Variants in HEATR5A observed in about 807,000 individuals in gnomAD.
HEATR5A encodes the protein HEAT repeat-containing protein 5A.
Under a neutral mutation model 218.8 loss-of-function variants are expected in HEATR5A, and 178 were observed. The observed-to-expected ratio is 0.81, with a 90% CI of 0.72 to 0.92. The LOEUF (loss-of-function observed/expected upper bound fraction) is 0.92, where lower values mean the gene tolerates loss of function less well. Ranked by LOEUF, HEATR5A falls within the 40% of genes least tolerant of loss-of-function variation. The pLI, the probability that HEATR5A is intolerant of heterozygous loss-of-function variation, is 0.00. For missense variants in HEATR5A, 2,420 were observed against 2,418.9 expected (o/e 1.00, Z -0.01); for synonymous variants, 864 against 871.6 (o/e 0.99, Z 0.15).
At chr14:31,403,934 T>C (rs773199647) in intron 1 of HEATR5A, among the ~76,000 whole-genome samples, 1 of 152,230 alleles carries the variant, frequency 6.6e-6, no homozygotes, top group Non-Finnish European at 1.5e-5. Flanking sequence ...TTTTAGGACA[T>C]GGATGCTTTA....
At chr14:31,380,084 T>A (rs1386271150) in intron 11 of HEATR5A, among the ~76,000 whole-genome samples, 1 of 152,234 alleles carries the variant, frequency 6.6e-6, no homozygotes, top group Admixed American at 6.5e-5. Flanking sequence ...CCTCAAACAA[T>A]TATAGAACTG....
intron 29 of HEATR5A, among the ~76,000 whole-genome samples, chr14:31,308,506 T>TAAAAA (rs34745602): frequency 3.3e-4 from 41 of 125,904 alleles, no homozygotes; most frequent in Admixed American, 1.3e-3. Flanking sequence ...AAACTCTGTC[T>TAAAAA]AAAAAAAAAA....
intron 31 of HEATR5A, 91 bp from the exon 32 acceptor site, chr14:31,305,268 A>G: frequency 7.3e-7 from 1 of 1,366,640 alleles, no homozygotes; most frequent in Non-Finnish European, 1.0e-6. Context: ...AAATACATGT[A>G]TTTTATTTTT....
At chr14:31,323,862 A>G in intron 23 of HEATR5A, 58 bp from the exon 24 acceptor site, 1 of 764,808 alleles carries the variant, frequency 1.3e-6, no homozygotes, top group South Asian at 2.5e-5. Context: ...ATATATATAT[A>G]TCAAAAGGAA....
chr14:31,383,624 T>G lies in HEATR5A; in HGVS notation c.1493A>C (p.His498Pro). ...LDRCLERLTG[H>P]KSSPEAVTGF... Reference sequence around the variant, plus strand: ...AGTCACTGCTTCAGGTGAAGACTTATGTCCAGTAAGCCGTTCAAGGCAACG... The same window carrying G: ...AGTCACTGCTTCAGGTGAAGACTTAGGTCCAGTAAGCCGTTCAAGGCAACG... Residue 498 changes from histidine (H) to proline (P), a missense_variant, in exon 10 of 36, where the codon CAT becomes CCT. Transcript: ENST00000543095. The G allele has an allele frequency of 6.2e-7, 1 of 1,614,016 alleles. No homozygotes were observed. Among genetic ancestry groups the G allele is most frequent in the Non-Finnish European group, 8.5e-7 (1 of 1,179,882 alleles).
chr14:31,398,443 C>T lies in HEATR5A; in HGVS notation c.447+230G>A, dbSNP rs372091942. On this transcript the variant is annotated intron_variant, in intron 4 of 35. Coordinates refer to ENST00000543095, the MANE Select transcript of HEATR5A (RefSeq NM_015473.4). ...TAAGTGGAATACGTTAGTTTTCGCC[C>T]GCTTGGATTTATATGAATACATGAA... is the stretch of plus-strand genomic sequence containing the variant. Among the ~76,000 whole-genome samples, 6 of 152,102 alleles carry T rather than the reference C, an allele frequency of 3.9e-5. No homozygotes were observed. In the East Asian group the frequency reaches 5.8e-4, roughly 15 times the overall value.
chr14:31,390,841 T>G (rs1285668930), intron 6 of HEATR5A, among the ~76,000 whole-genome samples: 1 of 150,460 alleles, frequency 6.6e-6, no homozygotes, highest in African/African-American at 2.5e-5. Flanking sequence ...TATTTTAAAA[T>G]ATACTCTTAT....
chr14:31,371,956 T>G (rs5025288), intron 12 of HEATR5A, 47 bp from the exon 13 acceptor site: 1 of 828,530 alleles, frequency 1.2e-6, no homozygotes, highest in Admixed American at 2.8e-5. Context: ...TAATCAACCA[T>G]GAAAGGCACA....
chr14:31,362,374 T>C (rs1337120620), intron 14 of HEATR5A, among the ~76,000 whole-genome samples: 1 of 151,684 alleles, frequency 6.6e-6, no homozygotes, highest in Non-Finnish European at 1.5e-5. Context: ...TGATTGCATT[T>C]CCAAACTCCA....
chr14:31,391,272 AACT>A (rs2030442835), intron 6 of HEATR5A, among the ~76,000 whole-genome samples: 1 of 152,066 alleles, frequency 6.6e-6, no homozygotes, highest in African/African-American at 2.4e-5. Flanking sequence ...AAGCAGCTGG[AACT>A]ACAGGCACAT....
At chr14:31,302,649 T>C (rs1899422359) in intron 32 of HEATR5A, 130 bp from the exon 33 acceptor site, 3 of 653,174 alleles carry the variant, frequency 4.6e-6, no homozygotes, top group Non-Finnish European at 7.8e-6. Flanking sequence ...TAAAGAATTA[T>C]AACTGTTAAG....
rs771816564 is a variant in HEATR5A at position 31,293,377 on chromosome 14, C to T, written c.6069G>A (p.Lys2023=). 6.2e-7 allele frequency: 1 copy of T among 1,613,774 alleles called. No individual in the cohort carries two copies. Among genetic ancestry groups the T allele is most frequent in the South Asian group, 1.1e-5 (1 of 91,050 alleles). Residue 2023 remains lysine, a synonymous_variant, in exon 36 of 36, where the codon AAG becomes AAA. Coordinates refer to ENST00000543095, the MANE Select transcript of HEATR5A (RefSeq NM_015473.4). The part of the protein sequence containing the change: ...IKGNQESVKV[K]IPTSKYTKSP... ...TCTTAGTATATTTAGATGTTGGTAT[C>T]TTGACTTTGACACTTTCCTGATTGC... is the stretch of plus-strand genomic sequence containing the variant.
At chr14:31,406,902 G>A (rs1216801895) in intron 1 of HEATR5A, among the ~76,000 whole-genome samples, 3 of 147,748 alleles carry the variant, frequency 2.0e-5, no homozygotes, top group African/African-American at 7.4e-5. Context: ...GGGAGGTAGA[G>A]GTTGCAGTGA....
intron 9 of HEATR5A, 48 bp downstream of exon 9, chr14:31,386,372 A>C (rs1208441752): frequency 1.4e-6 from 2 of 1,467,790 alleles, no homozygotes; most frequent in Non-Finnish European, 1.9e-6. Context: ...CCTTGGAACA[A>C]AGTTATCTAG....
intron 28 of HEATR5A, among the ~76,000 whole-genome samples, chr14:31,312,015 C>T (rs759024102): frequency 2.0e-5 from 3 of 152,052 alleles, no homozygotes; most frequent in Non-Finnish European, 4.4e-5. Flanking sequence ...GCATGTGGGA[C>T]GTGCAGTTTC....
chr14:31,307,978 G>A lies in HEATR5A; in HGVS notation c.4733C>T (p.Thr1578Ile). ...EFLCSLRSDATMESITACLHA... is the reference protein window; with the variant it reads ...EFLCSLRSDAIMESITACLHA... ...TAAACAAGCAGTTATGCTTTCCATGGTTGCATCTGAACGTAAGGAACATAG... is the reference window on the plus strand; with the variant it reads ...TAAACAAGCAGTTATGCTTTCCATGATTGCATCTGAACGTAAGGAACATAG... Residue 1578 changes from threonine to isoleucine, a missense_variant, in exon 30 of 36, where the codon ACC becomes ATC. Thr to Ile is a moderately conservative substitution (Grantham distance 89). Transcript: ENST00000543095. 3 of 1,613,648 alleles carry A rather than the reference G, an allele frequency of 1.9e-6. No homozygotes were observed. Among genetic ancestry groups the A allele is most frequent in the Non-Finnish European group, 2.5e-6 (3 of 1,179,678 alleles).
At chr14:31,368,713 ATTTATTTATTTATTT>A (rs71115004) in intron 13 of HEATR5A, among the ~76,000 whole-genome samples, 63,251 of 149,118 alleles carry the variant, frequency 0.42, 13,904 homozygotes, top group Non-Finnish European at 0.5. Flanking sequence ...TTATTTATTT[ATTTATTTATTTATTT>A]ATTTATTTAT....
At chr14:31,320,202 G>A (rs1030247711) in intron 25 of HEATR5A, 2 of 624,142 alleles carry the variant, frequency 3.2e-6, no homozygotes, top group African/African-American at 3.6e-5. Flanking sequence ...TGCAGGGACA[G>A]GCAGGTGACC....
In HEATR5A at chr14:31,305,177, A is replaced by G; in HGVS notation, c.4967T>C (p.Val1656Ala). 6.2e-7 allele frequency: 1 copy of G among 1,612,338 alleles called. No individual in the cohort carries two copies. Among genetic ancestry groups the G allele is most frequent in the Admixed American group, 1.7e-5 (1 of 59,428 alleles). ...TTCCTTTTCAGCAGCCCCATCATCA[A>G]CTAAAAGAAAGAATAGTGTTTAATA... ...HVKEKRRSAE[V>A]DDGAAEKETL... The change falls in exon 32 of 36, where the codon GTT becomes GCT. Residue 1656 changes from valine to alanine, a missense_variant and splice_region_variant. Coordinates refer to ENST00000543095, the MANE Select transcript of HEATR5A (RefSeq NM_015473.4).
Sources: gnomAD v4.1 joint callset for allele counts (sites outside exome capture counted in the v4.1 genomes callset) on GRCh38, gnomAD v4.1.1 for gene constraint, MANE v1.5 for transcripts, NCBI Gene and HGNC (gene_info 2026-07-23, HGNC 2026-07-21) for gene names.